ANGEL1: variants seen among roughly 807,000 people sequenced by gnomAD.
ANGEL1 encodes the protein RNA 2',3'-cyclic phosphatase ANGEL1.
Under a neutral mutation model 76.4 loss-of-function variants are expected in ANGEL1, and 62 were observed. The ratio of observed to expected loss-of-function variants is 0.81; its 90% CI spans 0.66 to 1.00. ANGEL1 has a LOEUF of 1.00. ANGEL1 is among the 50% of genes least tolerant of loss of function. ANGEL1 has a pLI of 0.00. For missense variants in ANGEL1, 737 were observed against 836.7 expected (o/e 0.88, Z 1.47); for synonymous variants, 340 against 331.7 (o/e 1.03, Z -0.27).
rs1894270168 is a variant in ANGEL1, at chr14:76,786,669, A to C, written c.*2559T>G. 6.6e-6 allele frequency: 1 copy of C among 152,136 alleles called. No individual in the cohort carries two copies. Among genetic ancestry groups the C allele is most frequent in the Admixed American group, 6.5e-5 (1 of 15,272 alleles). The allele number at this position is 152,136 out of a possible 1,614,324, so 9.4% of individuals were successfully genotyped here. On this transcript the variant is annotated 3_prime_UTR_variant, in exon 10 of 10. Transcript: ENST00000251089. ...ATGTGGGCTTGGCTGGTCTTACTAC[A>C]TAGGGAGGTTGGAAGACAAAAGCAC...
At position 76,809,104 on chromosome 14, in the gene ANGEL1, C is replaced by A. The variant is rs368711906; in HGVS notation, c.604G>T (p.Gly202Cys). The change falls in exon 2 of 10, where the codon GGC (glycine) becomes TGC (cysteine). Residue 202 changes from glycine to cysteine, a missense_variant. Coordinates refer to ENST00000251089, the MANE Select transcript of ANGEL1 (RefSeq NM_015305.4). ...QEEASIWPFE[G>C]LGQLQPPAVE... ...GCGGGAGGCTGCAACTGCCCCAGGC[C>A]CTCAAAGGGCCAGATGGAAGCCTCT... 32 of 1,613,980 alleles carry A rather than the reference C, an allele frequency of 2.0e-5. No individual in the cohort carries two copies. The highest frequency in any genetic ancestry group is 2.6e-5 in the Non-Finnish European group (31 of 1,179,988).
intron 1 of ANGEL1, chr14:76,812,372 G>A: frequency 9.6e-7 from 1 of 1,046,160 alleles, no homozygotes; most frequent in Non-Finnish European, 1.1e-6. Flanking sequence ...CTCGCCCGCT[G>A]AGAATTTGGG....
At chr14:76,795,581 A>G (rs932099272) in intron 7 of ANGEL1, among the ~76,000 whole-genome samples, 5 of 152,170 alleles carry the variant, frequency 3.3e-5, no homozygotes, top group African/African-American at 9.7e-5. Flanking sequence ...ATGGAAATAT[A>G]TGTTTTTTAA....
At chr14:76,791,251 T>G (rs768223567) in intron 8 of ANGEL1, 46 bp downstream of exon 8, 19 of 1,603,166 alleles carry the variant, frequency 1.2e-5, no homozygotes, top group Non-Finnish European at 1.5e-5. Flanking sequence ...CTCTTACACC[T>G]AGGCAAGGGC....
intron 5 of ANGEL1, among the ~76,000 whole-genome samples, chr14:76,805,673 AAAC>A (rs1211019815): frequency 2.0e-5 from 3 of 152,164 alleles, no homozygotes; most frequent in African/African-American, 7.2e-5. Context: ...GAGTGAAAAA[AAAC>A]AAGCTACAAA....
At chr14:76,794,082 TGA>T (rs1894501334) in intron 7 of ANGEL1, among the ~76,000 whole-genome samples, 1 of 152,236 alleles carries the variant, frequency 6.6e-6, no homozygotes, top group East Asian at 1.9e-4. Context: ...GGAACAGAAC[TGA>T]GAGTCCAGAA....
At chr14:76,802,938 G>C (rs959809078) in intron 7 of ANGEL1, among the ~76,000 whole-genome samples, 1 of 152,152 alleles carries the variant, frequency 6.6e-6, no homozygotes, top group African/African-American at 2.4e-5. Context: ...TGGTTTCAGA[G>C]ACAAGAAGGG....
intron 9 of ANGEL1, among the ~76,000 whole-genome samples, chr14:76,789,843 C>T (rs567090943): frequency 4.7e-5 from 7 of 148,702 alleles, no homozygotes; most frequent in South Asian, 4.4e-4. Flanking sequence ...TATAGGTACC[C>T]GCCACCATGC....
Position 76,787,326 on chromosome 14 carries a change from CAAGA to C in ANGEL1, c.*1898_*1901del, listed in dbSNP as rs1414826766. ...CCCCATTTCACTTTCAAAACAGAAA[CAAGA>C]AAGCAAGGAAAAGATAATCTATCAA... On this transcript the variant is annotated 3_prime_UTR_variant, in exon 10 of 10. Coordinates refer to ENST00000251089, the MANE Select transcript of ANGEL1 (RefSeq NM_015305.4). The C allele has an allele frequency of 2.0e-5, 3 of 152,168 alleles. No individual in the cohort carries two copies. Among genetic ancestry groups the C allele is most frequent in the Non-Finnish European group, 2.9e-5 (2 of 68,022 alleles). The allele number at this position is 152,168 out of a possible 1,614,324, so 9.4% of individuals were successfully genotyped here. A position where few individuals can be genotyped will look rare whatever the true frequency, so the allele number is the denominator to read the frequency against.
chr14:76,802,936 G>A (rs1894809036), intron 7 of ANGEL1, among the ~76,000 whole-genome samples: 1 of 152,188 alleles, frequency 6.6e-6, no homozygotes, highest in Admixed American at 6.5e-5. Flanking sequence ...AGTGGTTTCA[G>A]AGACAAGAAG....
In ANGEL1 at chr14:76,808,132, T is replaced by C. The variant is rs1207143829; in HGVS notation, c.666A>G (p.Glu222=). The C allele has an allele frequency of 1.2e-6, 2 of 1,613,494 alleles. No homozygotes were observed. Among genetic ancestry groups the C allele is most frequent in the African/African-American group, 2.7e-5 (2 of 74,902 alleles). ...CTGGCTGGGTGGAGAAATCCTCCCA[T>C]TCTCGCCACAAAATTTCTGCAAAGG... ...EIPYHEILWR[E]WEDFSTQPDA... The change falls in exon 3 of 10, where the codon GAA becomes GAG. Residue 222 remains glutamate (E), a synonymous_variant. Transcript: ENST00000251089.
chr14:76,788,814 G>C lies in ANGEL1; in HGVS notation c.*414C>G, dbSNP rs1894315590. 1 of 175,848 alleles carries C rather than the reference G, an allele frequency of 5.7e-6. No homozygotes were observed. The highest frequency in any genetic ancestry group is 2.4e-5 in the African/African-American group (1 of 41,860). The allele number at this position is 175,848 out of a possible 1,614,324, so 10.9% of individuals were successfully genotyped here. On this transcript the variant is annotated 3_prime_UTR_variant, in exon 10 of 10. Coordinates refer to ENST00000251089, the MANE Select transcript of ANGEL1 (RefSeq NM_015305.4). Reference sequence around the variant, plus strand: ...TCTCACATATGCATGCCTGGCAAGAGGGCTGGGCCCAGAAGTCCTGAAGGC... The same window carrying C: ...TCTCACATATGCATGCCTGGCAAGACGGCTGGGCCCAGAAGTCCTGAAGGC...
intron 7 of ANGEL1, among the ~76,000 whole-genome samples, chr14:76,793,448 A>G (rs916299513): frequency 4.3e-4 from 24 of 56,094 alleles, no homozygotes; most frequent in South Asian, 8.2e-4. Context: ...GGAGGGGAGG[A>G]GAAGGAAGAA....
chr14:76,804,001 AAC>A (rs1295772820), intron 5 of ANGEL1, 89 bp from the exon 6 acceptor site: 4 of 1,612,730 alleles, frequency 2.5e-6, no homozygotes, highest in Non-Finnish European at 3.4e-6. Context: ...GACAAATACA[AAC>A]ACATACAATC....
At chr14:76,798,547 A>G (rs1255125183) in intron 7 of ANGEL1, among the ~76,000 whole-genome samples, 1 of 152,238 alleles carries the variant, frequency 6.6e-6, no homozygotes, top group East Asian at 1.9e-4. Context: ...GACTAAGACA[A>G]TATCTTTAAG....
At chr14:76,810,297 C>T (rs1895046162) in intron 1 of ANGEL1, 2 of 444,716 alleles carry the variant, frequency 4.5e-6, no homozygotes. Context: ...GGCACATGCC[C>T]ATGGTCCTAG....
At chr14:76,793,430 GAGGAGGA>G (rs1566695880) in intron 7 of ANGEL1, among the ~76,000 whole-genome samples, 10 of 94,990 alleles carry the variant, frequency 1.1e-4, no homozygotes, top group Non-Finnish European at 1.8e-4. Context: ...GAGAGGGGAG[GAGGAGGA>G]GGAGGGGAGG....
intron 7 of ANGEL1, among the ~76,000 whole-genome samples, chr14:76,799,663 T>C (rs1293882535): frequency 6.6e-6 from 1 of 152,116 alleles, no homozygotes; most frequent in African/African-American, 2.4e-5. Context: ...TCTAGCACTT[T>C]GAGAGGTCGA....
chr14:76,807,213 C>A (rs376243668), intron 4 of ANGEL1, among the ~76,000 whole-genome samples: 1 of 152,222 alleles, frequency 6.6e-6, no homozygotes, highest in African/African-American at 2.4e-5. Context: ...ATGGGAATAA[C>A]AGTCTCACCA....
Sources: gnomAD v4.1 joint callset for allele counts (sites outside exome capture counted in the v4.1 genomes callset) on GRCh38, gnomAD v4.1.1 for gene constraint, MANE v1.5 for transcripts, NCBI Gene and HGNC (gene_info 2026-07-23, HGNC 2026-07-21) for gene names.